The following AUTS2 variants were observed in gnomAD, a reference collection of about 807,000 sequenced individuals.
The protein encoded by AUTS2 is activator of transcription and developmental regulator AUTS2.
In AUTS2, 17 loss-of-function variants were observed where a neutral mutation model predicts 112.4. The observed-to-expected ratio is 0.15, with a 90% CI of 0.10 to 0.23. The LOEUF (loss-of-function observed/expected upper bound fraction) is 0.23, where lower values mean the gene tolerates loss of function less well. Ranked by LOEUF, AUTS2 falls within the 10% of genes least tolerant of loss-of-function variation. The pLI, the probability that AUTS2 is intolerant of heterozygous loss-of-function variation, is 1.00. For missense variants in AUTS2, 1,510 were observed against 1,701.6 expected (o/e 0.89, Z 1.98); for synonymous variants, 751 against 702.7 (o/e 1.07, Z -1.09).
chr7:70,098,108 T>TA (rs1158564992), intron 2 of AUTS2, among the ~76,000 whole-genome samples: 3 of 152,172 alleles, frequency 2.0e-5, no homozygotes, highest in Non-Finnish European at 4.4e-5. Context: ...AGGGGCCCAG[T>TA]ATAATTTAAG....
intron 5 of AUTS2, among the ~76,000 whole-genome samples, chr7:70,623,395 T>C (rs1341949417): frequency 2.0e-5 from 3 of 152,214 alleles, no homozygotes; most frequent in Non-Finnish European, 2.9e-5. Flanking sequence ...TTCTGTTCAA[T>C]TCCCAGAGGC....
At chr7:70,571,969 G>A (rs1044935356) in intron 5 of AUTS2, among the ~76,000 whole-genome samples, 1 of 152,190 alleles carries the variant, frequency 6.6e-6, no homozygotes, top group African/African-American at 2.4e-5. Context: ...TCCACAGGGG[G>A]AACTTGTCCA....
intron 4 of AUTS2, among the ~76,000 whole-genome samples, chr7:70,190,319 A>G (rs1167445208): frequency 6.6e-6 from 1 of 152,210 alleles, no homozygotes; most frequent in Non-Finnish European, 1.5e-5. Flanking sequence ...GAAATAGTGT[A>G]TATTAAGGAC....
chr7:70,548,183 G>T (rs1293236909), intron 5 of AUTS2, among the ~76,000 whole-genome samples: 1 of 152,122 alleles, frequency 6.6e-6, no homozygotes, highest in Admixed American at 6.5e-5. Context: ...GAATAAGGGT[G>T]TTGAGCATCT....
chr7:70,380,127 T>G (rs1247533961), intron 4 of AUTS2, among the ~76,000 whole-genome samples: 1 of 152,220 alleles, frequency 6.6e-6, no homozygotes, highest in Non-Finnish European at 1.5e-5. Context: ...TTCTTGGAGC[T>G]CTTCAGCATC....
At chr7:70,151,531 T>C (rs568240061) in intron 4 of AUTS2, among the ~76,000 whole-genome samples, 1 of 152,304 alleles carries the variant, frequency 6.6e-6, no homozygotes, top group African/African-American at 2.4e-5. Context: ...TGGAGTGCAA[T>C]GGTACTATTG....
intron 2 of AUTS2, among the ~76,000 whole-genome samples, chr7:70,093,499 A>G (rs1804027541): frequency 6.6e-6 from 1 of 152,246 alleles, no homozygotes; most frequent in Non-Finnish European, 1.5e-5. Context: ...CAGGCTTTGC[A>G]TGAGAGAAAA....
chr7:69,969,913 G>A (rs1429164693), intron 2 of AUTS2, among the ~76,000 whole-genome samples: 3 of 151,996 alleles, frequency 2.0e-5, no homozygotes, highest in East Asian at 3.9e-4. Flanking sequence ...TTATCATTTA[G>A]GAAGATGATT....
chr7:69,723,614 A>G (rs73438128), intron 1 of AUTS2, among the ~76,000 whole-genome samples: 1,674 of 152,240 alleles, frequency 0.011, 44 homozygotes, highest in African/African-American at 0.038. Context: ...GGTATTATGG[A>G]TTCTCTGACT....
chr7:70,093,105 A>G (rs757681129), intron 2 of AUTS2, among the ~76,000 whole-genome samples: 27 of 152,352 alleles, frequency 1.8e-4, no homozygotes, highest in South Asian at 8.3e-4. Flanking sequence ...TCAGAGAGCT[A>G]GAGGGAAATG....
In AUTS2 at chr7:69,983,742, TG is replaced by T. The variant is rs549070151; in HGVS notation, c.522+84248del. On this transcript the variant is annotated intron_variant, in intron 2 of 18. Transcript: ENST00000342771. ...GTTATGAAAATGAAATCTATAGTTT[TG>T]GGGTAAAATAAAATTTAATAGGTAG... 3.3e-3 allele frequency among the ~76,000 whole-genome samples: 510 copies of T among 152,322 alleles called. 2 individuals carry two copies. The highest frequency in any genetic ancestry group is 5.1e-3 in the Non-Finnish European group (346 of 68,024).
chr7:69,948,795 T>C (rs1796916819), intron 2 of AUTS2, among the ~76,000 whole-genome samples: 4 of 150,714 alleles, frequency 2.7e-5, no homozygotes. Context: ...TATTTATTTA[T>C]TTATTTATTT....
chr7:70,243,712 A>G (rs779162447), intron 4 of AUTS2, among the ~76,000 whole-genome samples: 8 of 152,238 alleles, frequency 5.3e-5, no homozygotes, highest in East Asian at 1.9e-4. Context: ...AATTTGTACA[A>G]TCTTCTAGAC....
intron 1 of AUTS2, among the ~76,000 whole-genome samples, chr7:69,616,076 C>T (rs1793356030): frequency 6.6e-6 from 1 of 152,160 alleles, no homozygotes; most frequent in African/African-American, 2.4e-5. Context: ...TGAGAAGGTC[C>T]TTTAGCTGTG....
At chr7:70,112,379 A>G (rs1299953839) in intron 2 of AUTS2, among the ~76,000 whole-genome samples, 1 of 152,010 alleles carries the variant, frequency 6.6e-6, no homozygotes, top group Non-Finnish European at 1.5e-5. Context: ...TTACCCTGGT[A>G]CATTTTCAGT....
intron 1 of AUTS2, among the ~76,000 whole-genome samples, chr7:69,663,931 CA>C: frequency 6.6e-6 from 1 of 152,278 alleles, no homozygotes; most frequent in Non-Finnish European, 1.5e-5. Flanking sequence ...AATTGTAATG[CA>C]GAACAAATTT....
chr7:70,315,358 A>G (rs756450816), intron 4 of AUTS2, among the ~76,000 whole-genome samples: 2 of 152,166 alleles, frequency 1.3e-5, no homozygotes, highest in Non-Finnish European at 2.9e-5. Context: ...TTGCTCCACT[A>G]CTTATATGGC....
chr7:70,534,004 G>C (rs537431544), intron 5 of AUTS2, among the ~76,000 whole-genome samples: 2 of 152,338 alleles, frequency 1.3e-5, no homozygotes, highest in East Asian at 3.9e-4. Context: ...TGAGTAATGA[G>C]TAAAGGGGGA....
Position 70,649,552 on chromosome 7 carries a change from G to T in AUTS2, c.691-49017G>T, listed in dbSNP as rs188550992. On this transcript the variant is annotated intron_variant, in intron 5 of 18. Coordinates refer to ENST00000342771, the MANE Select transcript of AUTS2 (RefSeq NM_015570.4). Reference sequence around the variant, plus strand: ...TATTTATTTATTTATTTTTTGAGACGGAGTCTCGCACTGTCACCCGGGCTG... The same window carrying T: ...TATTTATTTATTTATTTTTTGAGACTGAGTCTCGCACTGTCACCCGGGCTG... Among the ~76,000 whole-genome samples, 12 of 137,598 alleles carry T rather than the reference G, an allele frequency of 8.7e-5. No individual in the cohort carries two copies. The East Asian group carries it at 2.3e-3, about 26-fold the overall frequency. 90.3% of individuals were successfully genotyped at this position (137,598 alleles called of 152,430 possible).
Sources: allele counts gnomAD v4.1 joint callset (sites outside exome capture counted in the v4.1 genomes callset), GRCh38; gene constraint gnomAD v4.1.1; transcripts MANE v1.5; gene names NCBI Gene and HGNC (gene_info 2026-07-23, HGNC 2026-07-21).